The following ARK2N variants were observed in gnomAD, a reference collection of about 807,000 sequenced individuals.
The protein encoded by ARK2N is protein ARK2N.
the ARK2N span, among the ~76,000 whole-genome samples, chr18:46,234,333 G>A: frequency 0.015 from 2,216 of 152,112 alleles, 38 homozygotes; most frequent in South Asian, 0.029. Flanking sequence ...GAGTAGCTGG[G>A]ACTGCAGGCG....
At chr18:46,175,112 A>ACCCCCCCCCC in the ARK2N span, among the ~76,000 whole-genome samples, 1 of 133,420 alleles carries the variant, frequency 7.5e-6, no homozygotes, top group Non-Finnish European at 1.6e-5. Context: ...AAAATTGTCC[A>ACCCCCCCCCC]CCCCCCCGCC....
At chr18:46,204,892 G>A in the ARK2N span, among the ~76,000 whole-genome samples, 7 of 142,602 alleles carry the variant, frequency 4.9e-5, no homozygotes, top group Admixed American at 1.4e-4. Context: ...TAGTTTATTC[G>A]TTTTTTTTTT....
At chr18:46,250,472 ATT>A in the ARK2N span, among the ~76,000 whole-genome samples, 1 of 142,220 alleles carries the variant, frequency 7.0e-6, no homozygotes, top group Non-Finnish European at 1.6e-5. Context: ...AATTCCCAAC[ATT>A]ACTAACCCTC....
chr18:46,216,477 C>A, the ARK2N span: 1 of 1,614,144 alleles, frequency 6.2e-7, no homozygotes, highest in Non-Finnish European at 8.5e-7. This position sits in a 1 kb window ranked among gnomAD's most constrained non-coding sequence, Gnocchi z 4.3. Context: ...AGAAATATAA[C>A]CTGCTGCAGG....
At chr18:46,175,913 C>T in the ARK2N span, among the ~76,000 whole-genome samples, 2 of 152,032 alleles carry the variant, frequency 1.3e-5, no homozygotes, top group Non-Finnish European at 2.9e-5. Flanking sequence ...ATAAGTTCAC[C>T]GTGTAGTTGT....
chr18:46,264,242 G>GTAGCA, the ARK2N span: 1 of 152,658 alleles, frequency 6.6e-6, no homozygotes, highest in Non-Finnish European at 1.5e-5. Flanking sequence ...TTAGCAAAGG[G>GTAGCA]TAGCAGGAGC....
chr18:46,259,919 C>T, the ARK2N span, among the ~76,000 whole-genome samples: 1 of 33,220 alleles, frequency 3.0e-5, no homozygotes, highest in Non-Finnish European at 8.3e-5. Flanking sequence ...TGGGGTTTCA[C>T]CATGGTGCCC....
the ARK2N span, among the ~76,000 whole-genome samples, chr18:46,245,163 C>A: frequency 2.6e-5 from 4 of 151,984 alleles, no homozygotes; most frequent in African/African-American, 7.2e-5. Flanking sequence ...CCCTCCTGAT[C>A]TCAAGTAATC....
At chr18:46,263,076 C>T in the ARK2N span, 1 of 1,614,054 alleles carries the variant, frequency 6.2e-7, no homozygotes, top group Non-Finnish European at 8.5e-7. Flanking sequence ...AAGTTGTTGA[C>T]CTTACCTTGG....
chr18:46,207,036 A>G, the ARK2N span, among the ~76,000 whole-genome samples: 1 of 152,126 alleles, frequency 6.6e-6, no homozygotes, highest in African/African-American at 2.4e-5. Context: ...TTGATTTCCC[A>G]AAGTGCTGGG....
chr18:46,188,048 G>C, the ARK2N span, among the ~76,000 whole-genome samples: 8 of 152,106 alleles, frequency 5.3e-5, no homozygotes, highest in African/African-American at 1.9e-4. Context: ...TTTTAAGTAA[G>C]CACAGTATGG....
chr18:46,260,086 A>T, the ARK2N span, among the ~76,000 whole-genome samples: 3 of 152,176 alleles, frequency 2.0e-5, no homozygotes, highest in African/African-American at 4.8e-5. Context: ...TTGAGCTTGG[A>T]GGGCATCTTA....
At chr18:46,182,642 A>C in the ARK2N span, among the ~76,000 whole-genome samples, 1 of 144,936 alleles carries the variant, frequency 6.9e-6, no homozygotes, top group African/African-American at 2.5e-5. Flanking sequence ...ATTTACACTG[A>C]TGATGCTTTT....
At chr18:46,225,695 C>T in the ARK2N span, among the ~76,000 whole-genome samples, 93,473 of 152,100 alleles carry the variant, frequency 0.61, 30,782 homozygotes, top group Non-Finnish European at 0.73. Context: ...CTCCTGACCT[C>T]GTGCTCCGCC....
chr18:46,217,062 C>T, the ARK2N span: 4,354 of 153,936 alleles, frequency 0.028, 192 homozygotes, highest in African/African-American at 0.099. Context: ...ATAATTTTTC[C>T]TCCAAAAACA....
At chr18:46,192,852 C>T in the ARK2N span, among the ~76,000 whole-genome samples, 23 of 145,052 alleles carry the variant, frequency 1.6e-4, no homozygotes, top group Admixed American at 1.5e-3. Context: ...TTACAGCAGA[C>T]GTGAGCCGCT....
At chr18:46,245,432 G>A in the ARK2N span, among the ~76,000 whole-genome samples, 4 of 151,930 alleles carry the variant, frequency 2.6e-5, no homozygotes, top group Non-Finnish European at 4.4e-5. Context: ...AGCTGGGCAC[G>A]GTGGCGTGGG....
the ARK2N span, among the ~76,000 whole-genome samples, chr18:46,245,140 C>T: frequency 6.6e-6 from 1 of 151,978 alleles, no homozygotes. Flanking sequence ...CCATGATGGC[C>T]AGGCTGGTCT....
At chr18:46,203,908 T>G in the ARK2N span, among the ~76,000 whole-genome samples, 1 of 152,150 alleles carries the variant, frequency 6.6e-6, no homozygotes, top group African/African-American at 2.4e-5. Context: ...GGAGTCTGAC[T>G]GATTTGATTT....
Sources: gnomAD v4.1 joint callset for allele counts (sites outside exome capture counted in the v4.1 genomes callset) on GRCh38, gnomAD v4.1.1 for gene constraint, Gnocchi (gnomAD v3.1) non-coding constraint, MANE v1.5 for transcripts, NCBI Gene and HGNC (gene_info 2026-07-23, HGNC 2026-07-21) for gene names.